The following LRBA variants were observed in gnomAD, a reference collection of about 807,000 sequenced individuals.
LRBA encodes LPS responsive beige-like anchor protein, also known as lipopolysaccharide-responsive and beige-like anchor protein.
LRBA carries 176 observed loss-of-function variants against 330.0 expected under a neutral mutation model. The observed-to-expected ratio is 0.53, with a 90% CI of 0.47 to 0.60. The LOEUF is 0.60. Ranked by LOEUF, LRBA falls within the 20% of genes least tolerant of loss-of-function variation. The pLI, the probability that LRBA is intolerant of heterozygous loss-of-function variation, is 0.00. For missense variants in LRBA, 3,259 were observed against 3,444.8 expected, an observed-to-expected ratio of 0.95 and a Z score of 1.35; for synonymous variants, 1,230 against 1,193.0, an observed-to-expected ratio of 1.03 and a Z score of -0.64.
At position 150,817,268 on chromosome 4, in the gene LRBA, G is replaced by C. The variant is rs774693184; in HGVS notation, c.5172-11C>G. The C allele has an allele frequency of 3.1e-6, 5 of 1,610,168 alleles. No homozygotes were observed. The highest frequency in any genetic ancestry group is 1.1e-5 in the South Asian group (1 of 90,920). On this transcript the variant is annotated splice_polypyrimidine_tract_variant and intron_variant, in intron 30 of 56. Coordinates refer to ENST00000651943, the MANE Select transcript of LRBA (RefSeq NM_001364905.1). The stretch of plus-strand genomic sequence containing the variant: ...GCAACAATGACACTTCTGTAATAAA[G>C]AAAGTAAACAGACTGAAAGATACAA...
At chr4:150,760,581 A>G (rs563095200) in intron 35 of LRBA, among the ~76,000 whole-genome samples, 1 of 151,514 alleles carries the variant, frequency 6.6e-6, no homozygotes, top group Admixed American at 6.6e-5. Context: ...ACACACACGA[A>G]TATCCTGTAC....
At chr4:150,860,356 T>G (rs1751741504) in intron 22 of LRBA, among the ~76,000 whole-genome samples, 1 of 152,188 alleles carries the variant, frequency 6.6e-6, no homozygotes. Flanking sequence ...AGGTCTAGTT[T>G]TACTCAGATA....
chr4:150,319,886 C>T (rs951390804), intron 50 of LRBA, among the ~76,000 whole-genome samples: 1 of 152,130 alleles, frequency 6.6e-6, no homozygotes, highest in Non-Finnish European at 1.5e-5. Flanking sequence ...TGTTCAAGAA[C>T]TTGTATTTTT....
chr4:150,707,558 C>G (rs1442743331), intron 36 of LRBA, among the ~76,000 whole-genome samples: 1 of 151,456 alleles, frequency 6.6e-6, no homozygotes. Context: ...TAAAAAAGGA[C>G]CACTGTATAT....
At chr4:150,904,811 A>C (rs762151572) in intron 13 of LRBA, among the ~76,000 whole-genome samples, 20 of 152,122 alleles carry the variant, frequency 1.3e-4, no homozygotes, top group Non-Finnish European at 2.4e-4. Flanking sequence ...TTTTCTCTTT[A>C]ACATTTGAAA....
rs2126811618 is a variant in LRBA, at chr4:150,828,457, C to T, written c.4894G>A (p.Ala1632Thr). 2 of 1,614,146 alleles carry T rather than the reference C, an allele frequency of 1.2e-6. No homozygotes were observed. Among genetic ancestry groups the T allele is most frequent in the South Asian group, 1.1e-5 (1 of 91,084 alleles). Residue 1632 changes from alanine to threonine, a missense_variant, in exon 30 of 57, where the codon GCA (alanine) becomes ACA (threonine). By Grantham distance (58) the Ala-to-Thr change is moderately conservative. Transcript: ENST00000651943. ...TPHTAPPGVS[A>T]GPDAISEVLS... is the part of the protein sequence containing the mutation. ...ACCTCGCTGATTGCATCTGGGCCTGCACTGACACCAGGAGGTGCTGTGTGA... is the reference window on the plus strand; with the variant it reads ...ACCTCGCTGATTGCATCTGGGCCTGTACTGACACCAGGAGGTGCTGTGTGA...
intron 40 of LRBA, 25 bp downstream of exon 40, chr4:150,588,023 A>C (rs1333896268): frequency 1.9e-6 from 3 of 1,605,000 alleles, no homozygotes; most frequent in South Asian, 1.1e-5. Context: ...TCATAAGAAA[A>C]AATGAAACCC....
chr4:150,809,850 A>G (rs1028522052), intron 31 of LRBA, among the ~76,000 whole-genome samples: 11 of 87,714 alleles, frequency 1.3e-4, no homozygotes, highest in Non-Finnish European at 2.1e-4. Flanking sequence ...CCTGTCTTAA[A>G]ATACGATACG....
chr4:150,357,664 T>A (rs34120926), intron 47 of LRBA, among the ~76,000 whole-genome samples: 48,711 of 148,690 alleles, frequency 0.33, 8,215 homozygotes, highest in Middle Eastern at 0.4. Context: ...TTTTTTTTTT[T>A]TAAAAAAAAC....
In LRBA at chr4:150,916,628, T is replaced by C. The variant is rs893500547; in HGVS notation, c.756A>G (p.Pro252=). Residue 252 remains proline (P), a synonymous_variant, in exon 6 of 57, where the codon CCA becomes CCG. Coordinates refer to ENST00000651943, the MANE Select transcript of LRBA (RefSeq NM_001364905.1). Reference sequence around the variant, plus strand: ...ACAGAAATACATACCAATACAAATATGGTTTATCCTTATCTACATTGATGT... The same window carrying C: ...ACAGAAATACATACCAATACAAATACGGTTTATCCTTATCTACATTGATGT... ...VNNINVDKDK[P]YLYCFRTSKG... The C allele has an allele frequency of 1.3e-6, 2 of 1,595,672 alleles. No homozygotes were observed. The highest frequency in any genetic ancestry group is 8.5e-7 in the Non-Finnish European group (1 of 1,172,640).
chr4:150,429,878 T>C (rs563673432), intron 46 of LRBA, among the ~76,000 whole-genome samples: 3 of 152,288 alleles, frequency 2.0e-5, no homozygotes, highest in East Asian at 3.9e-4. Flanking sequence ...TAAAGAACTA[T>C]GTCTATTTTA....
chr4:150,643,466 CAT>C (rs1380837841), intron 37 of LRBA, among the ~76,000 whole-genome samples: 1 of 151,906 alleles, frequency 6.6e-6, no homozygotes, highest in Admixed American at 6.6e-5. Flanking sequence ...GCAAAGATGA[CAT>C]GTGAGTAAAT....
rs191466640 is a variant in LRBA at position 150,554,812 on chromosome 4, C to T, written c.6330+33236G>A. Among the ~76,000 whole-genome samples the T allele has an allele frequency of 2.6e-5, 4 of 152,210 alleles. No homozygotes were observed. In the East Asian group the frequency reaches 5.8e-4, roughly 22 times the overall value. Reference sequence around the variant, plus strand: ...ATGTTATCTTTAGTATAAGGTATTACTAATCCTTCTTAATGATGTTCTATG... The same window carrying T: ...ATGTTATCTTTAGTATAAGGTATTATTAATCCTTCTTAATGATGTTCTATG... On this transcript the variant is annotated intron_variant, in intron 40 of 56. Transcript: ENST00000651943.
intron 46 of LRBA, chr4:150,422,613 G>A (rs1240971786): frequency 3.4e-6 from 2 of 582,034 alleles, no homozygotes; most frequent in Non-Finnish European, 6.2e-6. Context: ...TTCCCCAAGG[G>A]ACAAGGTTCC....
chr4:150,802,092 C>G (rs1218743333), intron 33 of LRBA, among the ~76,000 whole-genome samples: 1 of 150,744 alleles, frequency 6.6e-6, no homozygotes, highest in African/African-American at 2.4e-5. Context: ...TGGTGACATG[C>G]GCCTGTAGTC....
At chr4:150,716,174 C>T (rs574748240) in intron 36 of LRBA, among the ~76,000 whole-genome samples, 25 of 152,206 alleles carry the variant, frequency 1.6e-4, no homozygotes, top group Middle Eastern at 3.4e-3. Context: ...TTGGGCTGGG[C>T]GCAGTGGCTC....
intron 40 of LRBA, among the ~76,000 whole-genome samples, chr4:150,498,526 T>A (rs1360411737): frequency 6.6e-6 from 1 of 152,058 alleles, no homozygotes; most frequent in African/African-American, 2.4e-5. Context: ...GAAACCAAAA[T>A]GAACCCGCAA....
chr4:150,572,452 T>C (rs528962522), intron 40 of LRBA, among the ~76,000 whole-genome samples: 1 of 152,086 alleles, frequency 6.6e-6, no homozygotes, highest in African/African-American at 2.4e-5. Flanking sequence ...AGCAAAACTG[T>C]ACCATAATAA....
intron 14 of LRBA, 150 bp downstream of exon 14, chr4:150,899,899 T>C (rs551748909): frequency 1.1e-5 from 6 of 527,798 alleles, no homozygotes; most frequent in Non-Finnish European, 2.0e-5. Flanking sequence ...GACAAACTAT[T>C]AACATTATCA....
Sources: gnomAD v4.1 joint callset for allele counts (sites outside exome capture counted in the v4.1 genomes callset) on GRCh38, gnomAD v4.1.1 for gene constraint, MANE v1.5 for transcripts, NCBI Gene and HGNC (gene_info 2026-07-23, HGNC 2026-07-21) for gene names.